Variants in TTLL7 observed in about 807,000 individuals in gnomAD.
The protein encoded by TTLL7 is tubulin polyglutamylase TTLL7.
TTLL7 carries 53 observed loss-of-function variants against 120.2 expected under a neutral mutation model. The ratio of observed to expected loss-of-function variants is 0.44; its 90% CI spans 0.35 to 0.55. The LOEUF is 0.55. Among genes scored for constraint, TTLL7 ranks in the 20% least tolerant of loss-of-function variants. The probability of loss-of-function intolerance (pLI) is 0.00; values close to 1 mark genes in which losing one functional copy is unlikely to be tolerated. For synonymous variants in TTLL7, 353 were observed against 351.7 expected, an observed-to-expected ratio of 1.00 and a Z score of -0.04; for missense variants, 803 against 1,054.7, an observed-to-expected ratio of 0.76 and a Z score of 3.31.
In TTLL7 at chr1:83,959,172, T is replaced by A. The variant is rs117081839; in HGVS notation, c.-176-6785A>T. 8.9e-3 allele frequency among the ~76,000 whole-genome samples: 1,362 copies of A among 152,320 alleles called. 57 individuals are homozygous for A. The East Asian group carries it at 0.14, about 16-fold the overall frequency. ...TCTGCAAACTTCTTAGAAATGCATA[T>A]TCTCAGGCCCAACCCCAGAACTTCT... is the stretch of plus-strand genomic sequence containing the variant. On this transcript the variant is annotated intron_variant, in intron 1 of 20. Transcript: ENST00000260505.
intron 1 of TTLL7, among the ~76,000 whole-genome samples, chr1:83,983,370 T>G (rs941797726): frequency 6.6e-6 from 1 of 152,076 alleles, no homozygotes; most frequent in East Asian, 1.9e-4. Context: ...AGAAAAAGAC[T>G]GTCTATTCAA....
At chr1:83,937,350 C>A (rs578127086) in intron 8 of TTLL7, among the ~76,000 whole-genome samples, 1 of 152,066 alleles carries the variant, frequency 6.6e-6, no homozygotes, top group Non-Finnish European at 1.5e-5. Flanking sequence ...TACAGGAGCG[C>A]GCCACCACAT....
chr1:83,990,771 T>G (rs1361973652), intron 1 of TTLL7, among the ~76,000 whole-genome samples: 1 of 152,190 alleles, frequency 6.6e-6, no homozygotes, highest in Non-Finnish European at 1.5e-5. Context: ...GTGCAACTCC[T>G]ATGGAAAACA....
intron 14 of TTLL7, among the ~76,000 whole-genome samples, chr1:83,915,394 G>C (rs1658057160): frequency 6.6e-6 from 1 of 152,108 alleles, no homozygotes; most frequent in Admixed American, 6.5e-5. Context: ...AATGGGGAAA[G>C]GATTCCCTAT....
chr1:83,878,225 G>C (rs1016922516), intron 20 of TTLL7, among the ~76,000 whole-genome samples: 1 of 150,602 alleles, frequency 6.6e-6, no homozygotes, highest in African/African-American at 2.4e-5. Context: ...TCCACTATAT[G>C]GTTGATTTTC....
intron 20 of TTLL7, 39 bp downstream of exon 20, chr1:83,882,924 A>C (rs1654641684): frequency 6.3e-7 from 1 of 1,589,562 alleles, no homozygotes; most frequent in Admixed American, 1.9e-5. Flanking sequence ...GCATTACTTT[A>C]CATAAAACTC....
At chr1:83,877,432 G>A (rs1654020268) in intron 20 of TTLL7, among the ~76,000 whole-genome samples, 1 of 151,970 alleles carries the variant, frequency 6.6e-6, no homozygotes. Flanking sequence ...TTCTCTGGGT[G>A]GGTCTGATAG....
chr1:83,994,575 A>AG (rs1653314422), intron 1 of TTLL7, among the ~76,000 whole-genome samples: 1 of 152,170 alleles, frequency 6.6e-6, no homozygotes, highest in Non-Finnish European at 1.5e-5. Context: ...GAACAAGGGG[A>AG]GGGGGAGCAT....
chr1:83,923,196 A>T (rs1217927406), intron 10 of TTLL7, among the ~76,000 whole-genome samples: 1 of 151,610 alleles, frequency 6.6e-6, no homozygotes, highest in African/African-American at 2.4e-5. Context: ...TCTATCATAT[A>T]CCAATGAATA....
chr1:83,949,836 C>G (rs1261958615), intron 4 of TTLL7, 29 bp downstream of exon 4: 1 of 1,611,670 alleles, frequency 6.2e-7, no homozygotes, highest in Admixed American at 1.7e-5. Context: ...TTTCCTCATA[C>G]CACTAACTGG....
At chr1:83,875,559 G>A (rs958974789) in intron 20 of TTLL7, among the ~76,000 whole-genome samples, 4 of 151,886 alleles carry the variant, frequency 2.6e-5, no homozygotes, top group South Asian at 4.1e-4. Context: ...GAGAGTAGCT[G>A]TAAAAGGGTA....
chr1:83,919,870 G>T, intron 12 of TTLL7, 36 bp from the exon 13 acceptor site: 2 of 1,599,784 alleles, frequency 1.3e-6, no homozygotes, highest in Non-Finnish European at 1.7e-6. Flanking sequence ...TTTTTAAAAA[G>T]AAGCTGTCGT....
At chr1:83,891,837 C>CCA (rs397723754) in intron 18 of TTLL7, among the ~76,000 whole-genome samples, 2 of 150,836 alleles carry the variant, frequency 1.3e-5, no homozygotes, top group African/African-American at 4.9e-5. Context: ...TGATACCACC[C>CCA]TTTTTTTTGA....
chr1:83,894,716 G>C (rs1656067061), intron 18 of TTLL7, among the ~76,000 whole-genome samples: 1 of 152,058 alleles, frequency 6.6e-6, no homozygotes, highest in East Asian at 1.9e-4. Flanking sequence ...CAGGCATCAT[G>C]GCACCCCATC....
chr1:83,921,055 T>A, intron 12 of TTLL7, 32 bp downstream of exon 12: 1 of 1,578,390 alleles, frequency 6.3e-7, no homozygotes, highest in Non-Finnish European at 8.6e-7. Flanking sequence ...ACTTCATTTT[T>A]TCAATCTATA....
At chr1:83,886,790 ATTCT>A (rs1655010257) in intron 19 of TTLL7, among the ~76,000 whole-genome samples, 1 of 151,810 alleles carries the variant, frequency 6.6e-6, no homozygotes, top group African/African-American at 2.4e-5. Context: ...ACAAACTCCT[ATTCT>A]TCCTTTAACT....
Position 83,948,678 on chromosome 1 carries a change from T to G in TTLL7, c.297A>C (p.Pro99=). The change falls in exon 5 of 21, where the codon CCA becomes CCC. Residue 99 remains proline (P), a synonymous_variant. Transcript: ENST00000260505. ...LQNYQRINHF[P]GMGEICRKDF... is the part of the protein sequence containing the mutation. Reference sequence around the variant, plus strand: ...CCTTCCTACAGATCTCCCCCATTCCTGGAAAATGGTTGATCCTCTGGAAAA... The same window carrying G: ...CCTTCCTACAGATCTCCCCCATTCCGGGAAAATGGTTGATCCTCTGGAAAA... 6.2e-7 allele frequency: 1 copy of G among 1,608,924 alleles called. No individual in the cohort carries two copies. The highest frequency in any genetic ancestry group is 8.5e-7 in the Non-Finnish European group (1 of 1,176,326).
At position 83,869,326 on chromosome 1, in the gene TTLL7, T is replaced by C. The variant is rs1653143076; in HGVS notation, c.*636A>G. On this transcript the variant is annotated 3_prime_UTR_variant, in exon 21 of 21. Transcript: ENST00000260505. Reference sequence around the variant, plus strand: ...GATCTCACCAGATCCTTACTGAAAATGTACCTTATTACAAGTAGCTAAATT... The same window carrying C: ...GATCTCACCAGATCCTTACTGAAAACGTACCTTATTACAAGTAGCTAAATT... The C allele has an allele frequency of 6.6e-6, 1 of 152,174 alleles. No homozygotes were observed. The highest frequency in any genetic ancestry group is 2.4e-5 in the African/African-American group (1 of 41,440). 9.4% of individuals were successfully genotyped at this position (152,174 alleles called of 1,614,324 possible).
At chr1:83,944,618 G>GAGTCAC (rs1648297989) in intron 6 of TTLL7, among the ~76,000 whole-genome samples, 1 of 152,174 alleles carries the variant, frequency 6.6e-6, no homozygotes, top group African/African-American at 2.4e-5. Context: ...TGGGGAAGGA[G>GAGTCAC]AGTCACTTGA....
Sources: gnomAD v4.1 joint callset for allele counts (sites outside exome capture counted in the v4.1 genomes callset) on GRCh38, gnomAD v4.1.1 for gene constraint, MANE v1.5 for transcripts, NCBI Gene and HGNC (gene_info 2026-07-23, HGNC 2026-07-21) for gene names.